Variants in DUSP8 observed in about 807,000 individuals in gnomAD.
DUSP8 encodes dual specificity phosphatase 8.
A neutral mutation model predicts 38.7 loss-of-function variants in DUSP8; 15 were observed. That is an observed-to-expected ratio of 0.39 (90% confidence interval 0.26 to 0.60). The LOEUF is 0.60. DUSP8 is among the 20% of genes least tolerant of loss of function. The pLI, the probability that DUSP8 is intolerant of heterozygous loss-of-function variation, is 0.56. For synonymous variants in DUSP8, 458 were observed against 433.9 expected, an observed-to-expected ratio of 1.06 and a Z score of -0.69; for missense variants, 768 against 915.0, an observed-to-expected ratio of 0.84 and a Z score of 2.07.
intron 3 of DUSP8, among the ~76,000 whole-genome samples, chr11:1,562,855 G>C (rs995080514): frequency 2.6e-5 from 4 of 152,288 alleles, no homozygotes; most frequent in Admixed American, 2.6e-4. Context: ...TGGGGAGGGA[G>C]CCTGGCCTCA....
Position 1,572,110 on chromosome 11 carries a change from G to A in DUSP8, c.-318C>T, listed in dbSNP as rs1848912228. 6.9e-6 allele frequency among the ~76,000 whole-genome samples: 1 copy of A among 145,560 alleles called. No homozygotes were observed. The highest frequency in any genetic ancestry group is 2.1e-4 in the South Asian group (1 of 4,786). On this transcript the variant is annotated 5_prime_UTR_variant, in exon 1 of 7. Coordinates refer to ENST00000397374, the MANE Select transcript of DUSP8 (RefSeq NM_004420.3). This position sits in a 1 kb window ranked among gnomAD's most constrained non-coding sequence, Gnocchi z 4.7. Reference sequence around the variant, plus strand: ...GCCGGGGCGCGCGCACTGCGGGCGGGCACGCGCGCTCGCGGCGCGCATCCC... The same window carrying A: ...GCCGGGGCGCGCGCACTGCGGGCGGACACGCGCGCTCGCGGCGCGCATCCC...
chr11:1,556,312 T>C lies in DUSP8; in HGVS notation c.*206A>G. On this transcript the variant is annotated 3_prime_UTR_variant, in exon 7 of 7. Transcript: ENST00000397374. The surrounding 1 kb of genome is among the most constrained non-coding windows in gnomAD (Gnocchi z 5.2). ...TTAGAAACGTATGTTTCAGTTTAAATACCAGACAGTAAAAATAGAGCTCGA... is the reference window on the plus strand; with the variant it reads ...TTAGAAACGTATGTTTCAGTTTAAACACCAGACAGTAAAAATAGAGCTCGA... 1 of 617,526 alleles carries C rather than the reference T, an allele frequency of 1.6e-6. No homozygotes were observed. The highest frequency in any genetic ancestry group is 2.3e-6 in the Non-Finnish European group (1 of 430,160). The allele number at this position is 617,526 out of a possible 1,614,324, so 38.3% of individuals were successfully genotyped here.
chr11:1,557,776 G>A lies in DUSP8; in HGVS notation c.821+18C>T, dbSNP rs373838996. 4.9e-5 allele frequency: 79 copies of A among 1,612,276 alleles called. No individual in the cohort carries two copies. The African/African-American group carries it at 7.1e-4, about 14-fold the overall frequency. ...GCGACGCTGTGAGCCACAAGTGCGC[G>A]ACTGGGGAAGGTGGTACCTGTAGGC... On this transcript the variant is annotated intron_variant, in intron 6 of 6. Coordinates refer to ENST00000397374, the MANE Select transcript of DUSP8 (RefSeq NM_004420.3). This position sits in a 1 kb window ranked among gnomAD's most constrained non-coding sequence, Gnocchi z 9.9.
At chr11:1,563,115 C>T (rs1465181903) in intron 3 of DUSP8, among the ~76,000 whole-genome samples, 1 of 152,130 alleles carries the variant, frequency 6.6e-6, no homozygotes, top group East Asian at 1.9e-4. Context: ...TTGCCTGGAA[C>T]AGCCCCTGGT....
At position 1,556,978 on chromosome 11, in the gene DUSP8, C is replaced by A. The variant is rs1848637120; in HGVS notation, c.1418G>T (p.Gly473Val). 4 of 1,041,470 alleles carry A rather than the reference C, an allele frequency of 3.8e-6. No individual in the cohort carries two copies. The highest frequency in any genetic ancestry group is 1.7e-5 in the African/African-American group (1 of 57,790). The allele number at this position is 1,041,470 out of a possible 1,614,324, so 64.5% of individuals were successfully genotyped here. The change falls in exon 7 of 7, where the codon GGC becomes GTC. Residue 473 changes from glycine (G) to valine (V), a missense_variant. This residue lies in a region of DUSP8 where 474 missense variants were observed against 430.8 expected (regional missense o/e 1.10). Transcript: ENST00000397374. This position sits in a 1 kb window ranked among gnomAD's most constrained non-coding sequence, Gnocchi z 5.2. ...CCGGGCCGCATCGCCGAAGTTCAGG[C>A]CGAGGCTGTGCGCGGGGGAGCGCGC... ...SPARSPAHSL[G>V]LNFGDAARQT...
Position 1,555,358 on chromosome 11 carries a change from C to T in DUSP8, c.*1160G>A. On this transcript the variant is annotated 3_prime_UTR_variant, in exon 7 of 7. Transcript: ENST00000397374. ...TTGAGGCAGTGCTCCCTAAGTGAAG[C>T]AGGCCTATCCCAGCAGCACAGGGGC... 3 of 987,644 alleles carry T rather than the reference C, an allele frequency of 3.0e-6. No homozygotes were observed. Among genetic ancestry groups the T allele is most frequent in the Non-Finnish European group, 3.6e-6 (3 of 830,152 alleles). The allele number at this position is 987,644 out of a possible 1,614,324, so 61.2% of individuals were successfully genotyped here. A position where few individuals can be genotyped will look rare whatever the true frequency, so the allele number is the denominator to read the frequency against.
rs1051088038 is a variant in DUSP8, at chr11:1,565,743, C to A, written c.84G>T (p.Leu28=). The A allele has an allele frequency of 4.3e-6, 7 of 1,611,700 alleles. No individual in the cohort carries two copies. The East Asian group carries it at 1.3e-4, about 31-fold the overall frequency. Reference sequence around the variant, plus strand: ...CCACGAAGGAGCGGCTGTCGATGACCAGCGGCCCCCCAGGCCCGCCCCGCA... The same window carrying A: ...CCACGAAGGAGCGGCTGTCGATGACAAGCGGCCCCCCAGGCCCGCCCCGCA... The part of the protein sequence containing the change: ...SLLRGGPGGP[L]VIDSRSFVEY... Residue 28 remains leucine, a synonymous_variant, in exon 2 of 7, where the codon CTG becomes CTT. Transcript: ENST00000397374.
At chr11:1,568,068 A>G (rs569536115) in intron 1 of DUSP8, among the ~76,000 whole-genome samples, 38 of 152,292 alleles carry the variant, frequency 2.5e-4, no homozygotes, top group Non-Finnish European at 4.3e-4. Flanking sequence ...AACCCCGAGA[A>G]GGCTGCAGTG....
At position 1,557,289 on chromosome 11, in the gene DUSP8, T is replaced by G. The variant is rs1330456460; in HGVS notation, c.1107A>C (p.Ala369=). Residue 369 remains alanine (A), a synonymous_variant, in exon 7 of 7, where the codon GCA becomes GCC. Coordinates refer to ENST00000397374, the MANE Select transcript of DUSP8 (RefSeq NM_004420.3). The surrounding 1 kb of genome is among the most constrained non-coding windows in gnomAD (Gnocchi z 9.9). Reference sequence around the variant, plus strand: ...GCAGGCCGCGCAGGCCCTGCTGCAGTGCGCTGGTCGCCGGGGGCGTGGGGG... The same window carrying G: ...GCAGGCCGCGCAGGCCCTGCTGCAGGGCGCTGGTCGCCGGGGGCGTGGGGG... ...PAPPTPPATS[A]LQQGLRGLHL... is the part of the protein sequence containing the mutation. 6.8e-7 allele frequency: 1 copy of G among 1,472,058 alleles called. No individual in the cohort carries two copies. The highest frequency in any genetic ancestry group is 8.9e-7 in the Non-Finnish European group (1 of 1,119,304). The allele number at this position is 1,472,058 out of a possible 1,614,324, so 91.2% of individuals were successfully genotyped here. A position where few individuals can be genotyped will look rare whatever the true frequency, so the allele number is the denominator to read the frequency against.
Position 1,557,267 on chromosome 11 carries a change from G to C in DUSP8, c.1129C>G (p.Leu377Val). The change falls in exon 7 of 7, where the codon CTG (leucine) becomes GTG (valine). Residue 377 changes from leucine (L) to valine (V), a missense_variant. Around this residue, in one of 3 missense-constraint regions of DUSP8, gnomAD observed 474 missense variants for 430.8 expected, o/e 1.10. Transcript: ENST00000397374. The surrounding 1 kb of genome is among the most constrained non-coding windows in gnomAD (Gnocchi z 9.9). ...TGCAGGCGGTCCGAGGAGAGGTGCA[G>C]GCCGCGCAGGCCCTGCTGCAGTGCG... ...TSALQQGLRG[L>V]HLSSDRLQDT... The C allele has an allele frequency of 6.7e-7, 1 of 1,487,774 alleles. No individual in the cohort carries two copies. Among genetic ancestry groups the C allele is most frequent in the Non-Finnish European group, 8.9e-7 (1 of 1,123,290 alleles). The allele number at this position is 1,487,774 out of a possible 1,614,324, so 92.2% of individuals were successfully genotyped here.
chr11:1,571,978 G>A lies in DUSP8; in HGVS notation c.-186C>T, dbSNP rs1848908180. ...CGCCCGCTCGGCCGCGCCGTCCATGGGCCCGGCGGGGGCCCGCGCAGCCGG... is the reference window on the plus strand; with the variant it reads ...CGCCCGCTCGGCCGCGCCGTCCATGAGCCCGGCGGGGGCCCGCGCAGCCGG... On this transcript the variant is annotated 5_prime_UTR_variant, in exon 1 of 7. Coordinates refer to ENST00000397374, the MANE Select transcript of DUSP8 (RefSeq NM_004420.3). 1 of 145,418 alleles carries A rather than the reference G, an allele frequency of 6.9e-6. No homozygotes were observed. Among genetic ancestry groups the A allele is most frequent in the Non-Finnish European group, 1.5e-5 (1 of 65,510 alleles). 9.0% of individuals were successfully genotyped at this position (145,418 alleles called of 1,614,324 possible).
intron 3 of DUSP8, among the ~76,000 whole-genome samples, chr11:1,563,383 G>T (rs1310011404): frequency 2.0e-5 from 3 of 152,140 alleles, no homozygotes; most frequent in African/African-American, 7.2e-5. Flanking sequence ...GGGGCCAGTT[G>T]CCCAGGCTGC....
intron 1 of DUSP8, among the ~76,000 whole-genome samples, chr11:1,568,296 C>T (rs1425403162): frequency 7.0e-6 from 1 of 143,374 alleles, no homozygotes; most frequent in Admixed American, 7.0e-5. Flanking sequence ...TGAGAGACCT[C>T]GGTGCAGCCA....
Position 1,557,708 on chromosome 11 carries a change from G to A in DUSP8, c.821+86C>T, listed in dbSNP as rs1192844575. 2.1e-5 allele frequency: 33 copies of A among 1,594,102 alleles called. No homozygotes were observed. Among genetic ancestry groups the A allele is most frequent in the African/African-American group, 6.7e-5 (5 of 74,736 alleles). On this transcript the variant is annotated intron_variant, in intron 6 of 6. Transcript: ENST00000397374. This position sits in a 1 kb window ranked among gnomAD's most constrained non-coding sequence, Gnocchi z 9.9. ...TCCTCCCTTGCCACGGGTCCTGGAC[G>A]GTGGGGTCATTCTGGTGCAAGTGGG...
intron 2 of DUSP8, among the ~76,000 whole-genome samples, chr11:1,564,365 C>T (rs535166788): frequency 4.0e-4 from 61 of 152,284 alleles, no homozygotes; most frequent in African/African-American, 1.4e-3. Context: ...CCCAGGGTGG[C>T]GGAGGGACAG....
chr11:1,570,443 C>G (rs865870650), intron 1 of DUSP8, among the ~76,000 whole-genome samples: 1 of 152,190 alleles, frequency 6.6e-6, no homozygotes, highest in African/African-American at 2.4e-5. Flanking sequence ...CAGGCCCTAG[C>G]TGATGCCCCT....
chr11:1,557,309 TG>T lies in DUSP8; in HGVS notation c.1086del (p.Thr363ArgfsTer112). On this transcript the variant is annotated frameshift_variant, in exon 7 of 7. Transcript: ENST00000397374. LOFTEE classifies it high-confidence loss of function. The surrounding 1 kb of genome is among the most constrained non-coding windows in gnomAD (Gnocchi z 9.9). ...TGCAGTGCGCTGGTCGCCGGGGGCGTGGGGGGCGCGGGGGGCTCCCCGCCCG... is the reference window on the plus strand; with the variant it reads ...TGCAGTGCGCTGGTCGCCGGGGGCGTGGGGGCGCGGGGGGCTCCCCGCCCG... ...LSAGGEPPAP[P>X]TPPATSALQQ... 6 of 1,473,148 alleles carry T rather than the reference TG, an allele frequency of 4.1e-6. No homozygotes were observed. The highest frequency in any genetic ancestry group is 1.8e-6 in the Non-Finnish European group (2 of 1,122,702). The allele number at this position is 1,473,148 out of a possible 1,614,324, so 91.3% of individuals were successfully genotyped here.
At chr11:1,563,581 C>T (rs1296230973) in intron 3 of DUSP8, among the ~76,000 whole-genome samples, 1 of 152,152 alleles carries the variant, frequency 6.6e-6, no homozygotes, top group Admixed American at 6.5e-5. Flanking sequence ...ACAGGAGCTC[C>T]GGGAGTGGGA....
chr11:1,557,895 G>T lies in DUSP8; in HGVS notation c.720C>A (p.Cys240Ter). The change falls in exon 6 of 7, where the codon TGC becomes TGA. Residue 240 changes from cysteine to a stop codon, truncating the protein, a stop_gained. Coordinates refer to ENST00000397374, the MANE Select transcript of DUSP8 (RefSeq NM_004420.3). LOFTEE classifies it high-confidence loss of function. This position sits in a 1 kb window ranked among gnomAD's most constrained non-coding sequence, Gnocchi z 9.9. ...CAGCCAGACAGTGGACGATGACTTG[G>T]CAGCTGGAGAGCTTGGCTTTATCTG... Reference protein sequence around the residue: ...EFIDKAKLSSCQVIVHCLAGI... With the variant: ...EFIDKAKLSS 1 of 1,613,984 alleles carries T rather than the reference G, an allele frequency of 6.2e-7. No homozygotes were observed.
Sources: gnomAD v4.1 joint callset for allele counts (sites outside exome capture counted in the v4.1 genomes callset) on GRCh38, gnomAD v4.1.1 for gene constraint, gnomAD v4.1.1 regional missense constraint, Gnocchi (gnomAD v3.1) non-coding constraint, MANE v1.5 for transcripts, NCBI Gene and HGNC (gene_info 2026-07-23, HGNC 2026-07-21) for gene names.